DACH1: variants seen among roughly 807,000 people sequenced by gnomAD.
DACH1 encodes the protein dachshund homolog 1.
In DACH1, 12 loss-of-function variants were observed where a neutral mutation model predicts 54.2. That is an observed-to-expected ratio of 0.22 (90% CI 0.14 to 0.36). The LOEUF (loss-of-function observed/expected upper bound fraction) is 0.36. DACH1 is among the 10% of genes least tolerant of loss of function. DACH1 has a pLI of 1.00. For missense variants in DACH1, 805 were observed against 929.8 expected (o/e 0.87, Z 1.75); for synonymous variants, 386 against 366.2 (o/e 1.05, Z -0.62).
intron 6 of DACH1, among the ~76,000 whole-genome samples, chr13:71,496,505 T>C (rs1879454524): frequency 6.6e-6 from 1 of 151,568 alleles, no homozygotes; most frequent in African/African-American, 2.4e-5. Flanking sequence ...AAGTGGGAGC[T>C]AAGTAATGTG....
chr13:71,844,834 T>C lies in DACH1; in HGVS notation c.848+21088A>G, dbSNP rs942126173. Among the ~76,000 whole-genome samples the C allele has an allele frequency of 3.3e-5, 5 of 152,188 alleles. No homozygotes were observed. The East Asian group carries it at 9.7e-4, about 29-fold the overall frequency. ...CAACATGGATAGAACTGGAGTACAT[T>C]ATGTTAAATGTAGTTAAGACAGAAA... On this transcript the variant is annotated intron_variant, in intron 1 of 10. Transcript: ENST00000613252.
In DACH1 at chr13:71,599,723, C is replaced by T. The variant is rs180731122; in HGVS notation, c.1127-26711G>A. Among the ~76,000 whole-genome samples the T allele has an allele frequency of 6.6e-5, 10 of 151,818 alleles. No individual in the cohort carries two copies. The East Asian group carries it at 1.9e-3, about 29-fold the overall frequency. On this transcript the variant is annotated intron_variant, in intron 3 of 10. Transcript: ENST00000613252. ...ATTAACATGGGAAATGGTCAATAACCCTCTCATTGATTTCATACTAATTAT... is the reference window on the plus strand; with the variant it reads ...ATTAACATGGGAAATGGTCAATAACTCTCTCATTGATTTCATACTAATTAT...
At chr13:71,835,226 A>G (rs1385512269) in intron 1 of DACH1, among the ~76,000 whole-genome samples, 1 of 152,060 alleles carries the variant, frequency 6.6e-6, no homozygotes, top group Non-Finnish European at 1.5e-5. Flanking sequence ...CACTTAATGA[A>G]TAAAATACCT....
In DACH1 at chr13:71,866,482, G is replaced by GCCA; in HGVS notation, c.285_287dup (p.Gly101dup). ...TGCAGTTGCTGCCACCGCCGCCGCC[G>GCCA]CCACCGCCGCCTCCGTTGCCGCTGC... On this transcript the variant is annotated inframe_insertion, in exon 1 of 11. Coordinates refer to ENST00000613252, the MANE Select transcript of DACH1 (RefSeq NM_080759.6). 8.0e-7 allele frequency: 1 copy of GCCA among 1,247,210 alleles called. No homozygotes were observed. The highest frequency in any genetic ancestry group is 1.0e-6 in the Non-Finnish European group (1 of 991,958). The allele number at this position is 1,247,210 out of a possible 1,614,324, so 77.3% of individuals were successfully genotyped here. A position where few individuals can be genotyped will look rare whatever the true frequency, so the allele number is the denominator to read the frequency against.
intron 1 of DACH1, among the ~76,000 whole-genome samples, chr13:71,686,118 G>A (rs539369808): frequency 1.1e-4 from 17 of 152,128 alleles, no homozygotes; most frequent in Middle Eastern, 3.4e-3. Context: ...CTAATCAAAC[G>A]GAAGACCTCA....
chr13:71,696,234 C>G (rs1881825512), intron 1 of DACH1, among the ~76,000 whole-genome samples: 1 of 152,078 alleles, frequency 6.6e-6, no homozygotes, highest in Non-Finnish European at 1.5e-5. Context: ...TTTAAGAAAT[C>G]ATGAGATCTA....
chr13:71,587,231 T>A (rs1873348257), intron 3 of DACH1, among the ~76,000 whole-genome samples: 1 of 152,068 alleles, frequency 6.6e-6, no homozygotes, highest in African/African-American at 2.4e-5. Context: ...TAAAGTGTGA[T>A]TAATTTGGTT....
chr13:71,465,781 G>A (rs1309527307), intron 10 of DACH1, among the ~76,000 whole-genome samples: 2 of 151,992 alleles, frequency 1.3e-5, no homozygotes, highest in African/African-American at 4.8e-5. Flanking sequence ...TAATGAAAAA[G>A]CAACTTCCTA....
At chr13:71,523,806 C>T (rs922836159) in intron 6 of DACH1, among the ~76,000 whole-genome samples, 4 of 151,948 alleles carry the variant, frequency 2.6e-5, no homozygotes, top group African/African-American at 9.7e-5. Context: ...CATAAATTCT[C>T]GAATAACGTG....
intron 2 of DACH1, among the ~76,000 whole-genome samples, chr13:71,642,181 T>C (rs531481319): frequency 3.3e-5 from 5 of 152,316 alleles, no homozygotes; most frequent in African/African-American, 4.8e-5. Flanking sequence ...CTTGACCTAA[T>C]TTATACCGTA....
At chr13:71,681,172 A>C (rs945607455) in intron 2 of DACH1, among the ~76,000 whole-genome samples, 7 of 152,140 alleles carry the variant, frequency 4.6e-5, no homozygotes, top group Non-Finnish European at 1.5e-5. Context: ...GAACCCATTC[A>C]GGGGGTAGAA....
intron 3 of DACH1, among the ~76,000 whole-genome samples, chr13:71,618,738 T>G (rs1246543513): frequency 6.6e-6 from 1 of 151,882 alleles, no homozygotes; most frequent in African/African-American, 2.4e-5. Context: ...TACTCAAGTA[T>G]AATTGTTGAT....
intron 10 of DACH1, among the ~76,000 whole-genome samples, chr13:71,453,202 A>G (rs1271698834): frequency 6.6e-6 from 1 of 152,180 alleles, no homozygotes; most frequent in Non-Finnish European, 1.5e-5. Flanking sequence ...ATCTCTTATT[A>G]CTTTCTCCAT....
chr13:71,490,424 GA>G (rs1878883576), intron 6 of DACH1, among the ~76,000 whole-genome samples: 1 of 152,146 alleles, frequency 6.6e-6, no homozygotes, highest in South Asian at 2.1e-4. Flanking sequence ...CAAAAGGAAA[GA>G]AAAGCTGGAG....
intron 1 of DACH1, among the ~76,000 whole-genome samples, chr13:71,808,447 A>C (rs1226379983): frequency 1.3e-5 from 2 of 152,166 alleles, no homozygotes; most frequent in Admixed American, 1.3e-4. Flanking sequence ...CAAATTTTCT[A>C]GTAGTTTGCA....
chr13:71,816,816 A>T, intron 1 of DACH1, among the ~76,000 whole-genome samples: 1 of 152,014 alleles, frequency 6.6e-6, no homozygotes, highest in Non-Finnish European at 1.5e-5. Context: ...AGGAAAAGAA[A>T]ACCAAATACC....
intron 3 of DACH1, among the ~76,000 whole-genome samples, chr13:71,618,725 G>C (rs74096975): frequency 0.016 from 2,465 of 151,820 alleles, 50 homozygotes; most frequent in African/African-American, 0.048. Context: ...TATTTTAAAA[G>C]CCTACTCAAG....
At chr13:71,833,198 C>T (rs935633776) in intron 1 of DACH1, among the ~76,000 whole-genome samples, 6 of 151,828 alleles carry the variant, frequency 4.0e-5, no homozygotes, top group Non-Finnish European at 8.8e-5. Flanking sequence ...TAGGGATGCT[C>T]AGTGAGAAAT....
At chr13:71,816,688 A>G (rs1232057257) in intron 1 of DACH1, among the ~76,000 whole-genome samples, 1 of 142,142 alleles carries the variant, frequency 7.0e-6, no homozygotes, top group Admixed American at 7.0e-5. Flanking sequence ...ATATATATAT[A>G]CACATATATA....
Sources: gnomAD v4.1 joint callset for allele counts (sites outside exome capture counted in the v4.1 genomes callset) on GRCh38, gnomAD v4.1.1 for gene constraint, MANE v1.5 for transcripts, NCBI Gene and HGNC (gene_info 2026-07-23, HGNC 2026-07-21) for gene names.